The following CSMD2 variants were observed in gnomAD, a reference collection of about 807,000 sequenced individuals.
CSMD2 encodes the protein CUB and Sushi multiple domains 2, also known as CUB and sushi domain-containing protein 2.
CSMD2 carries 130 observed loss-of-function variants against 398.5 expected under a neutral mutation model. That is an observed-to-expected ratio of 0.33 (90% CI 0.28 to 0.38). The LOEUF (loss-of-function observed/expected upper bound fraction) is 0.38. Among genes scored for constraint, CSMD2 ranks in the 10% least tolerant of loss-of-function variants. CSMD2 has a pLI of 1.00. For synonymous variants in CSMD2, 1,828 were observed against 1,908.5 expected (o/e 0.96, Z 1.10); for missense variants, 3,829 against 4,764.9 (o/e 0.80, Z 5.78).
At chr1:33,598,437 C>T (rs957464918) in intron 44 of CSMD2, among the ~76,000 whole-genome samples, 2 of 152,136 alleles carry the variant, frequency 1.3e-5, no homozygotes, top group African/African-American at 2.4e-5. Context: ...CTGGTCTGAG[C>T]TGGGACTGAA....
At chr1:33,680,148 CTTTT>C (rs34735969) in intron 25 of CSMD2, among the ~76,000 whole-genome samples, 40 of 88,540 alleles carry the variant, frequency 4.5e-4, no homozygotes, top group South Asian at 8.9e-4. Context: ...ATGGCCTCGC[CTTTT>C]TTTTTTTTTT....
At chr1:34,135,023 T>C (rs1432372209) in intron 1 of CSMD2, among the ~76,000 whole-genome samples, 2 of 152,154 alleles carry the variant, frequency 1.3e-5, no homozygotes, top group African/African-American at 4.8e-5. Context: ...GCAGACCTAT[T>C]TGATCACAGA....
chr1:33,968,952 A>G (rs1028505684), intron 3 of CSMD2, among the ~76,000 whole-genome samples: 1 of 152,224 alleles, frequency 6.6e-6, no homozygotes, highest in African/African-American at 2.4e-5. Context: ...GGCCTCTGCT[A>G]GCCTTCAACC....
intron 25 of CSMD2, among the ~76,000 whole-genome samples, chr1:33,674,277 T>C (rs1204967983): frequency 1.3e-5 from 2 of 150,900 alleles, no homozygotes; most frequent in African/African-American, 2.4e-5. Context: ...ACCAAGCAAA[T>C]GGAAAACAAA....
chr1:33,699,825 A>G (rs1571265810), intron 23 of CSMD2, among the ~76,000 whole-genome samples: 1 of 152,132 alleles, frequency 6.6e-6, no homozygotes, highest in South Asian at 2.1e-4. Context: ...AGTTCCATAC[A>G]CATTTTTCCC....
rs745749181 is a variant in CSMD2, at chr1:33,772,769, G to A, written c.1664-18C>T. On this transcript the variant is annotated intron_variant, in intron 12 of 70. Coordinates refer to ENST00000373381, the MANE Select transcript of CSMD2 (RefSeq NM_001281956.2). ...CTCGATCTCTGAAAGACAGGAAGAT[G>A]AGAAAACAGAGACAAAAGGTGACTT... The A allele has an allele frequency of 8.1e-6, 13 of 1,599,498 alleles. No homozygotes were observed. The Admixed American group carries it at 1.2e-4, about 14-fold the overall frequency.
intron 5 of CSMD2, among the ~76,000 whole-genome samples, chr1:33,889,637 T>TA (rs531733789): frequency 1.1e-3 from 165 of 147,004 alleles, no homozygotes; most frequent in African/African-American, 3.5e-3. Context: ...GGGAAATTGT[T>TA]AAAAAAAATG....
chr1:34,107,882 A>C (rs1027275020), intron 1 of CSMD2, among the ~76,000 whole-genome samples: 1 of 152,208 alleles, frequency 6.6e-6, no homozygotes, highest in Non-Finnish European at 1.5e-5. Flanking sequence ...CCAGAAGAAA[A>C]AGAATCATAA....
At chr1:33,556,873 G>A (rs1321103473) in intron 55 of CSMD2, among the ~76,000 whole-genome samples, 1 of 152,178 alleles carries the variant, frequency 6.6e-6, no homozygotes, top group African/African-American at 2.4e-5. Flanking sequence ...AGAAGGACAT[G>A]TTTGCTTCTC....
intron 25 of CSMD2, among the ~76,000 whole-genome samples, chr1:33,674,930 A>G (rs553290051): frequency 6.6e-6 from 1 of 152,374 alleles, no homozygotes; most frequent in Non-Finnish European, 1.5e-5. Flanking sequence ...GACACAACAT[A>G]CCAGAATCTC....
intron 3 of CSMD2, among the ~76,000 whole-genome samples, chr1:33,963,540 C>T (rs1161577905): frequency 6.6e-6 from 1 of 152,052 alleles, no homozygotes; most frequent in Admixed American, 6.6e-5. Context: ...TCCTCTGGAC[C>T]CACCCCATGC....
intron 2 of CSMD2, among the ~76,000 whole-genome samples, chr1:34,075,708 T>G (rs1656248156): frequency 6.6e-6 from 1 of 152,206 alleles, no homozygotes; most frequent in African/African-American, 2.4e-5. Context: ...TCTTCATAGA[T>G]TATGTTTGCT....
chr1:33,590,892 A>G (rs1639394992), intron 44 of CSMD2, among the ~76,000 whole-genome samples: 1 of 150,166 alleles, frequency 6.7e-6, no homozygotes. Flanking sequence ...AGCCATTGTG[A>G]GCAATGGTCC....
chr1:33,663,300 G>T (rs539751829), intron 25 of CSMD2, among the ~76,000 whole-genome samples: 1 of 152,244 alleles, frequency 6.6e-6, no homozygotes, highest in South Asian at 2.1e-4. Flanking sequence ...CCAGCAATGG[G>T]GACAAGGGTG....
intron 3 of CSMD2, among the ~76,000 whole-genome samples, chr1:33,940,722 G>A (rs1034865602): frequency 6.6e-6 from 1 of 152,156 alleles, no homozygotes; most frequent in African/African-American, 2.4e-5. Flanking sequence ...AGCACATAGT[G>A]GGTGCTTAAT....
At chr1:33,985,972 G>A (rs1646345709) in intron 3 of CSMD2, among the ~76,000 whole-genome samples, 3 of 152,118 alleles carry the variant, frequency 2.0e-5, no homozygotes, top group South Asian at 2.1e-4. Flanking sequence ...CAACCCCTGA[G>A]CATCAGTTAG....
intron 3 of CSMD2, among the ~76,000 whole-genome samples, chr1:33,999,881 T>C (rs986319551): frequency 2.6e-5 from 4 of 152,222 alleles, no homozygotes; most frequent in Non-Finnish European, 5.9e-5. Flanking sequence ...TTTTAGTAAA[T>C]GTTACTATAT....
intron 2 of CSMD2, among the ~76,000 whole-genome samples, chr1:34,068,827 G>A (rs1655401288): frequency 6.6e-6 from 1 of 152,172 alleles, no homozygotes; most frequent in Non-Finnish European, 1.5e-5. Flanking sequence ...AGATCTGATA[G>A]TTAAAAGGGG....
intron 55 of CSMD2, among the ~76,000 whole-genome samples, chr1:33,554,619 C>A (rs1358779572): frequency 2.0e-5 from 3 of 152,210 alleles, no homozygotes; most frequent in Middle Eastern, 3.4e-3. Flanking sequence ...TAACTGGGAG[C>A]CAATGCTCAT....
Sources: allele counts gnomAD v4.1 joint callset (sites outside exome capture counted in the v4.1 genomes callset), GRCh38; gene constraint gnomAD v4.1.1; transcripts MANE v1.5; gene names NCBI Gene and HGNC (gene_info 2026-07-23, HGNC 2026-07-21).